The following EFCAB11 variants were observed in gnomAD, a reference collection of about 807,000 sequenced individuals.
The protein encoded by EFCAB11 is EF-hand calcium-binding domain-containing protein 11.
A neutral mutation model predicts 23.0 loss-of-function variants in EFCAB11; 14 were observed. That is an observed-to-expected ratio of 0.61 (90% CI 0.40 to 0.95). The LOEUF (loss-of-function observed/expected upper bound fraction) is 0.95. Among genes scored for constraint, EFCAB11 ranks in the 40% least tolerant of loss-of-function variants. The pLI, the probability that EFCAB11 is intolerant of heterozygous loss-of-function variation, is 0.00. For missense variants in EFCAB11, 198 were observed against 195.8 expected, an observed-to-expected ratio of 1.01 and a Z score of -0.07; for synonymous variants, 65 against 66.6, an observed-to-expected ratio of 0.98 and a Z score of 0.11.
At chr14:89,895,600 T>C (rs972502426) in intron 5 of EFCAB11, among the ~76,000 whole-genome samples, 2 of 152,142 alleles carry the variant, frequency 1.3e-5, no homozygotes, top group African/African-American at 4.8e-5. Context: ...ATTGTCCATA[T>C]GGAAAAGGTG....
At chr14:89,877,327 C>A (rs748945596) in intron 5 of EFCAB11, among the ~76,000 whole-genome samples, 1 of 152,070 alleles carries the variant, frequency 6.6e-6, no homozygotes, top group Non-Finnish European at 1.5e-5. Context: ...CATGAACCAC[C>A]GCACCCGGCC....
chr14:89,915,355 T>C (rs1889807482), intron 5 of EFCAB11, among the ~76,000 whole-genome samples: 1 of 152,236 alleles, frequency 6.6e-6, no homozygotes, highest in African/African-American at 2.4e-5. Flanking sequence ...ATGTTTTCAG[T>C]ACAAATTTTT....
At chr14:89,839,809 G>A (rs951458470) in intron 5 of EFCAB11, among the ~76,000 whole-genome samples, 2 of 150,712 alleles carry the variant, frequency 1.3e-5, no homozygotes, top group South Asian at 4.2e-4. Flanking sequence ...AGAGGAAGGG[G>A]GGAGGTGCTT....
intron 3 of EFCAB11, among the ~76,000 whole-genome samples, chr14:89,940,766 T>A (rs1016724571): frequency 3.3e-5 from 5 of 152,232 alleles, no homozygotes; most frequent in African/African-American, 9.7e-5. Flanking sequence ...TTCTGGTTTT[T>A]AATCTTAGGC....
At position 89,803,479 on chromosome 14, in the gene EFCAB11, A is replaced by C. The variant is rs548020744; in HGVS notation, c.411-6155T>G. 1.4e-4 allele frequency among the ~76,000 whole-genome samples: 21 copies of C among 152,336 alleles called. No homozygotes were observed. In the South Asian group the frequency reaches 4.1e-3, roughly 30 times the overall value. ...CTGTGATAATCACATGAGATTTTGAAAGTTGATGCCATATTTGATGCACCT... is the reference window on the plus strand; with the variant it reads ...CTGTGATAATCACATGAGATTTTGACAGTTGATGCCATATTTGATGCACCT... On this transcript the variant is annotated intron_variant, in intron 5 of 5. Coordinates refer to ENST00000316738, the MANE Select transcript of EFCAB11 (RefSeq NM_145231.4).
At chr14:89,850,317 C>T (rs1369981359) in intron 5 of EFCAB11, among the ~76,000 whole-genome samples, 2 of 152,194 alleles carry the variant, frequency 1.3e-5, no homozygotes, top group African/African-American at 2.4e-5. Context: ...CTTACAGACA[C>T]CATGTGTCTT....
At chr14:89,851,857 AAG>A (rs532159377) in intron 5 of EFCAB11, among the ~76,000 whole-genome samples, 71 of 152,314 alleles carry the variant, frequency 4.7e-4, no homozygotes, top group African/African-American at 1.5e-3. Context: ...CAGCAGACGG[AAG>A]AGTCACCAAA....
intron 3 of EFCAB11, among the ~76,000 whole-genome samples, chr14:89,940,897 CTGT>C (rs1239030476): frequency 1.3e-5 from 2 of 152,078 alleles, no homozygotes; most frequent in African/African-American, 2.4e-5. Flanking sequence ...TAAATCTTAG[CTGT>C]TGTTATTTAT....
At chr14:89,885,245 A>G (rs1794353625) in intron 5 of EFCAB11, among the ~76,000 whole-genome samples, 2 of 152,258 alleles carry the variant, frequency 1.3e-5, no homozygotes, top group Non-Finnish European at 2.9e-5. Flanking sequence ...CATTAAAACT[A>G]CAAAACAGCA....
At chr14:89,885,685 AAGAGAGAAAG>A (rs200033785) in intron 5 of EFCAB11, among the ~76,000 whole-genome samples, 1,523 of 151,392 alleles carry the variant, frequency 0.01, 18 homozygotes, top group African/African-American at 0.033. Context: ...GAAAAAAAAA[AAGAGAGAAAG>A]AGAGAGAAAG....
At chr14:89,939,419 G>C (rs769190768) in intron 3 of EFCAB11, among the ~76,000 whole-genome samples, 2 of 152,204 alleles carry the variant, frequency 1.3e-5, no homozygotes, top group African/African-American at 4.8e-5. Flanking sequence ...AGGAAGAAAA[G>C]ATTTCAGGCA....
rs1236552948 is a variant in EFCAB11, at chr14:89,794,773, T to G, written c.*2470A>C. 1 of 152,218 alleles carries G rather than the reference T, an allele frequency of 6.6e-6. No individual in the cohort carries two copies. The highest frequency in any genetic ancestry group is 1.9e-4 in the East Asian group (1 of 5,206). 9.4% of individuals were successfully genotyped at this position (152,218 alleles called of 1,614,324 possible). On this transcript the variant is annotated 3_prime_UTR_variant, in exon 6 of 6. Transcript: ENST00000316738. ...TTTGAATAAGACTTTATTTTTTAAATGAATTTTTAATTTTAGAATAGTTTT... is the reference window on the plus strand; with the variant it reads ...TTTGAATAAGACTTTATTTTTTAAAGGAATTTTTAATTTTAGAATAGTTTT...
At chr14:89,870,665 C>T (rs762177897) in intron 5 of EFCAB11, among the ~76,000 whole-genome samples, 1 of 151,348 alleles carries the variant, frequency 6.6e-6, no homozygotes, top group Non-Finnish European at 1.5e-5. Context: ...GAAGCGGTGG[C>T]TCATGCCTGT....
rs1489630270 is a variant in EFCAB11, at chr14:89,954,035, C to T, written c.76-34G>A. Reference sequence around the variant, plus strand: ...CATTAAATAGCTTTAGTTAATGAGACAGAAATGGTTTATTTTTATTACTAG... The same window carrying T: ...CATTAAATAGCTTTAGTTAATGAGATAGAAATGGTTTATTTTTATTACTAG... On this transcript the variant is annotated intron_variant, in intron 1 of 5. Transcript: ENST00000316738. 4 of 1,559,660 alleles carry T rather than the reference C, an allele frequency of 2.6e-6. No individual in the cohort carries two copies. The African/African-American group carries it at 5.4e-5, about 21-fold the overall frequency.
At chr14:89,885,377 A>G (rs892992993) in intron 5 of EFCAB11, among the ~76,000 whole-genome samples, 2 of 152,164 alleles carry the variant, frequency 1.3e-5, no homozygotes, top group East Asian at 3.8e-4. Context: ...ATTCAATATA[A>G]ATTCAATTAA....
chr14:89,834,082 T>C (rs540796404), intron 5 of EFCAB11, among the ~76,000 whole-genome samples: 30 of 152,120 alleles, frequency 2.0e-4, no homozygotes, highest in African/African-American at 6.7e-4. Flanking sequence ...TGGCCGTGTG[T>C]GGTGGCTCAC....
rs1596417884 is a variant in EFCAB11, at chr14:89,877,757, C to T, written c.410+53784G>A. Among the ~76,000 whole-genome samples the T allele has an allele frequency of 6.6e-5, 10 of 152,268 alleles. No individual in the cohort carries two copies. The South Asian group carries it at 2.1e-3, about 32-fold the overall frequency. ...TACTGTTTTAATTAAAAGCACTCAG[C>T]TTTAGCAATGGGTAAATCCTAAATA... On this transcript the variant is annotated intron_variant, in intron 5 of 5. Coordinates refer to ENST00000316738, the MANE Select transcript of EFCAB11 (RefSeq NM_145231.4).
intron 5 of EFCAB11, among the ~76,000 whole-genome samples, chr14:89,918,176 G>C (rs1889910671): frequency 6.6e-6 from 1 of 152,088 alleles, no homozygotes; most frequent in Non-Finnish European, 1.5e-5. Context: ...AAAAAAAGGG[G>C]AAGAGAGAAG....
At chr14:89,834,397 A>C (rs1032172326) in intron 5 of EFCAB11, among the ~76,000 whole-genome samples, 4 of 150,698 alleles carry the variant, frequency 2.7e-5, no homozygotes, top group African/African-American at 7.3e-5. Flanking sequence ...AAAAAAAAAA[A>C]AAAAAACCTT....
Sources: gnomAD v4.1 joint callset for allele counts (sites outside exome capture counted in the v4.1 genomes callset) on GRCh38, gnomAD v4.1.1 for gene constraint, MANE v1.5 for transcripts, NCBI Gene and HGNC (gene_info 2026-07-23, HGNC 2026-07-21) for gene names.